The following NTM variants were observed in gnomAD, a reference collection of about 807,000 sequenced individuals.
NTM encodes neurotrimin.
A neutral mutation model predicts 42.1 loss-of-function variants in NTM; 13 were observed. The observed-to-expected ratio is 0.31, with a 90% CI of 0.20 to 0.49. The LOEUF (loss-of-function observed/expected upper bound fraction) is 0.49. Ranked by LOEUF, NTM falls within the 20% of genes least tolerant of loss-of-function variation. The pLI is 0.99. For missense variants in NTM, 373 were observed against 452.8 expected (o/e 0.82, Z 1.60); for synonymous variants, 187 against 179.2 (o/e 1.04, Z -0.35).
At chr11:131,844,509 G>C (rs556193756) in intron 1 of NTM, among the ~76,000 whole-genome samples, 24 of 152,108 alleles carry the variant, frequency 1.6e-4, no homozygotes, top group Non-Finnish European at 2.5e-4. Context: ...ACATTCTCTT[G>C]ATATTGTCAC....
intron 2 of NTM, among the ~76,000 whole-genome samples, chr11:131,940,928 T>C (rs1593043221): frequency 6.6e-6 from 1 of 152,232 alleles, no homozygotes; most frequent in African/African-American, 2.4e-5. Context: ...CATTTCTTAA[T>C]ACGGGTGCAA....
At chr11:132,282,918 CAT>C (rs1398484855) in intron 4 of NTM, among the ~76,000 whole-genome samples, 3 of 145,080 alleles carry the variant, frequency 2.1e-5, no homozygotes, top group African/African-American at 7.6e-5. Context: ...ACTTTATCAA[CAT>C]GTGTTCATAT....
chr11:131,457,801 T>G (rs11222637), intron 1 of NTM, among the ~76,000 whole-genome samples: 12,277 of 152,014 alleles, frequency 0.081, 1,269 homozygotes, highest in African/African-American at 0.23. Flanking sequence ...CAGTGATTAG[T>G]TTATGAAGAT....
At chr11:131,803,573 G>A (rs1003448636) in intron 1 of NTM, among the ~76,000 whole-genome samples, 3 of 152,206 alleles carry the variant, frequency 2.0e-5, no homozygotes, top group Non-Finnish European at 2.9e-5. Flanking sequence ...GCCTCCCAAA[G>A]TGCTGGGATT....
chr11:131,836,355 C>A (rs1162072863), intron 1 of NTM, among the ~76,000 whole-genome samples: 1 of 152,026 alleles, frequency 6.6e-6, no homozygotes, highest in Non-Finnish European at 1.5e-5. Context: ...CTTGTAAGCC[C>A]CCTTTAAATC....
Position 131,503,188 on chromosome 11 carries a change from C to T in NTM, c.82+132300C>T, listed in dbSNP as rs560845417. ...AGGGGAGCCGTTGATGATGAGGGTACAAAGGAATGAGAGCTGATGTCCTGT... is the reference window on the plus strand; with the variant it reads ...AGGGGAGCCGTTGATGATGAGGGTATAAAGGAATGAGAGCTGATGTCCTGT... On this transcript the variant is annotated intron_variant, in intron 1 of 8. Coordinates refer to ENST00000683400, the MANE Select transcript of NTM (RefSeq NM_001352005.2). Among the ~76,000 whole-genome samples the T allele has an allele frequency of 2.0e-4, 31 of 152,204 alleles. 1 individual carries two copies. The South Asian group carries it at 6.4e-3, about 32-fold the overall frequency.
At chr11:131,756,523 C>CAA (rs371563328) in intron 1 of NTM, among the ~76,000 whole-genome samples, 52 of 133,794 alleles carry the variant, frequency 3.9e-4, no homozygotes, top group African/African-American at 6.1e-4. Context: ...GACTCCATCT[C>CAA]AAAAAAAAAA....
intron 1 of NTM, among the ~76,000 whole-genome samples, chr11:131,678,178 AG>A (rs1206075327): frequency 1.3e-5 from 2 of 152,170 alleles, no homozygotes; most frequent in African/African-American, 4.8e-5. Context: ...CCGGGGTTTG[AG>A]GGAGGAGAGA....
At chr11:131,753,334 G>A (rs923810649) in intron 1 of NTM, among the ~76,000 whole-genome samples, 6 of 151,760 alleles carry the variant, frequency 4.0e-5, no homozygotes, top group Admixed American at 2.6e-4. Flanking sequence ...TCAGTGTGGC[G>A]ATTCCTCAGG....
chr11:132,206,293 G>A (rs558647005), intron 3 of NTM, among the ~76,000 whole-genome samples: 14 of 152,244 alleles, frequency 9.2e-5, no homozygotes, highest in Non-Finnish European at 1.5e-4. Context: ...TAGGCACTAG[G>A]CATTCACGCC....
At chr11:131,766,581 C>A (rs915406109) in intron 1 of NTM, among the ~76,000 whole-genome samples, 5 of 152,138 alleles carry the variant, frequency 3.3e-5, no homozygotes, top group Non-Finnish European at 7.3e-5. Context: ...GCAGGCCCCC[C>A]CCTTCTGCTG....
intron 2 of NTM, among the ~76,000 whole-genome samples, chr11:132,112,045 C>A (rs2063281212): frequency 1.3e-5 from 2 of 152,204 alleles, no homozygotes; most frequent in South Asian, 4.1e-4. Flanking sequence ...GTCATCCCTC[C>A]CTCTCATTTT....
chr11:131,617,448 T>C (rs2062055196), intron 1 of NTM, among the ~76,000 whole-genome samples: 1 of 152,204 alleles, frequency 6.6e-6, no homozygotes, highest in Non-Finnish European at 1.5e-5. Flanking sequence ...CAAGTATTTA[T>C]TGAGCATCTA....
At chr11:132,316,570 A>G (rs904987474) in intron 7 of NTM, among the ~76,000 whole-genome samples, 5 of 152,218 alleles carry the variant, frequency 3.3e-5, no homozygotes, top group Non-Finnish European at 7.3e-5. Flanking sequence ...ATGTTCTTTA[A>G]TGCCAGAAGT....
chr11:131,535,205 A>G (rs1486313563), intron 1 of NTM: 2 of 152,204 alleles, frequency 1.3e-5, no homozygotes, highest in African/African-American at 4.8e-5. Context: ...CGGTGCATTG[A>G]TTGCCTACTG....
At chr11:131,632,608 C>T (rs1487350997) in intron 1 of NTM, among the ~76,000 whole-genome samples, 4 of 150,280 alleles carry the variant, frequency 2.7e-5, no homozygotes, top group Non-Finnish European at 4.4e-5. Context: ...CTTTTCCCCC[C>T]TTTTCTGGAA....
chr11:131,387,659 G>T (rs1943491751), intron 1 of NTM, among the ~76,000 whole-genome samples: 1 of 152,194 alleles, frequency 6.6e-6, no homozygotes, highest in African/African-American at 2.4e-5. Flanking sequence ...ATTGTTTGAG[G>T]TGATGGATAT....
At chr11:131,394,237 C>T (rs1373556079) in intron 1 of NTM, among the ~76,000 whole-genome samples, 2 of 152,182 alleles carry the variant, frequency 1.3e-5, no homozygotes, top group Non-Finnish European at 2.9e-5. Flanking sequence ...TCTTTTTCCC[C>T]TGGCTTCCCT....
intron 1 of NTM, among the ~76,000 whole-genome samples, chr11:131,498,964 G>T (rs1175532955): frequency 6.6e-6 from 1 of 152,180 alleles, no homozygotes; most frequent in Non-Finnish European, 1.5e-5. Flanking sequence ...CAGGAGGCTG[G>T]TGCTGGCACT....
Sources: gnomAD v4.1 joint callset for allele counts (sites outside exome capture counted in the v4.1 genomes callset) on GRCh38, gnomAD v4.1.1 for gene constraint, MANE v1.5 for transcripts, NCBI Gene and HGNC (gene_info 2026-07-23, HGNC 2026-07-21) for gene names.